Variants in ITIH2 observed in about 807,000 individuals in gnomAD.
ITIH2 encodes inter-alpha-trypsin inhibitor heavy chain 2, also known as inter-alpha-trypsin inhibitor heavy chain H2.
A neutral mutation model predicts 104.4 loss-of-function variants in ITIH2; 103 were observed. The observed-to-expected ratio is 0.99, with a 90% CI of 0.84 to 1.16. ITIH2 has a LOEUF of 1.16. Among genes scored for constraint, ITIH2 ranks in the 50% most tolerant of loss-of-function variants. The pLI, the probability that ITIH2 is intolerant of heterozygous loss-of-function variation, is 0.00. For synonymous variants in ITIH2, 436 were observed against 435.4 expected, an observed-to-expected ratio of 1.00 and a Z score of -0.02; for missense variants, 1,108 against 1,162.4, an observed-to-expected ratio of 0.95 and a Z score of 0.68.
intron 5 of ITIH2, among the ~76,000 whole-genome samples, chr10:7,714,876 A>G (rs1375974378): frequency 1.3e-5 from 2 of 152,186 alleles, no homozygotes; most frequent in African/African-American, 4.8e-5. Context: ...CATGGGTTTC[A>G]CATTCTCAGA....
In ITIH2 at chr10:7,732,491, A is replaced by G; in HGVS notation, c.1787+14A>G. 6.2e-7 allele frequency: 1 copy of G among 1,607,774 alleles called. No homozygotes were observed. The highest frequency in any genetic ancestry group is 8.5e-7 in the Non-Finnish European group (1 of 1,174,728). On this transcript the variant is annotated intron_variant, in intron 14 of 20. Transcript: ENST00000358415. ...GCTAGCTGAACGGTAAGAAGAGAAG[A>G]GTACCCACACCACGAGATCTGCAAA... is the stretch of plus-strand genomic sequence containing the variant.
At chr10:7,730,395 G>A (rs181232447) in intron 12 of ITIH2, among the ~76,000 whole-genome samples, 61 of 152,310 alleles carry the variant, frequency 4.0e-4, no homozygotes, top group African/African-American at 1.4e-3. Context: ...GGCCTTCTGA[G>A]CGTCATCAAA....
chr10:7,705,522 A>G (rs1834738195), intron 2 of ITIH2, among the ~76,000 whole-genome samples: 1 of 151,994 alleles, frequency 6.6e-6, no homozygotes, highest in African/African-American at 2.4e-5. Context: ...CCTGGGTAAC[A>G]TAGTGAGGCT....
intron 20 of ITIH2, among the ~76,000 whole-genome samples, chr10:7,748,296 G>C (rs932530779): frequency 6.8e-6 from 1 of 147,342 alleles, no homozygotes; most frequent in Non-Finnish European, 1.5e-5. Flanking sequence ...GCTGGGCCTC[G>C]ATTTGGTCCA....
chr10:7,739,029 A>G (rs528188348), intron 16 of ITIH2, among the ~76,000 whole-genome samples: 2 of 152,340 alleles, frequency 1.3e-5, no homozygotes, highest in African/African-American at 4.8e-5. Context: ...AGCTGTGGTC[A>G]TGCCAGGAAA....
At chr10:7,722,967 G>C (rs895486153) in intron 8 of ITIH2, among the ~76,000 whole-genome samples, 2 of 152,054 alleles carry the variant, frequency 1.3e-5, no homozygotes, top group Admixed American at 6.6e-5. Context: ...GAGTGGAGTG[G>C]AGTGGAGTGA....
chr10:7,717,290 T>C (rs1466735718), intron 5 of ITIH2, among the ~76,000 whole-genome samples: 6 of 152,182 alleles, frequency 3.9e-5, no homozygotes, highest in African/African-American at 1.4e-4. Context: ...GTCAGGGTAA[T>C]GATCTCCATA....
At chr10:7,748,484 CAG>C (rs1208431602) in intron 20 of ITIH2, among the ~76,000 whole-genome samples, 1 of 127,716 alleles carries the variant, frequency 7.8e-6, no homozygotes, top group East Asian at 2.5e-4. Flanking sequence ...CTCTTAAACA[CAG>C]AGAAAGTGCA....
intron 7 of ITIH2, 124 bp from the exon 8 acceptor site, chr10:7,721,525 C>T (rs1834902409): frequency 2.4e-6 from 2 of 829,324 alleles, no homozygotes; most frequent in South Asian, 1.9e-5. Flanking sequence ...ATGGGTCCAC[C>T]GATATCGCGG....
chr10:7,735,110 G>A lies in ITIH2; in HGVS notation c.1957+19G>A. The A allele has an allele frequency of 6.3e-7, 1 of 1,589,504 alleles. No homozygotes were observed. The highest frequency in any genetic ancestry group is 8.5e-7 in the Non-Finnish European group (1 of 1,171,856). On this transcript the variant is annotated intron_variant, in intron 15 of 20. Coordinates refer to ENST00000358415, the MANE Select transcript of ITIH2 (RefSeq NM_002216.3). ...TGCTCAGGTCAGGGCTGCACCTGTG[G>A]GGACAAGTGGCCAGGCAGCTCTCTT...
At chr10:7,721,394 C>CT (rs1373093266) in intron 7 of ITIH2, among the ~76,000 whole-genome samples, 1 of 152,184 alleles carries the variant, frequency 6.6e-6, no homozygotes, top group Non-Finnish European at 1.5e-5. Context: ...ATAGTCAGCC[C>CT]TTCTACAGGG....
At chr10:7,735,819 T>C (rs908816223) in intron 15 of ITIH2, among the ~76,000 whole-genome samples, 1 of 151,840 alleles carries the variant, frequency 6.6e-6, no homozygotes, top group Non-Finnish European at 1.5e-5. Context: ...ATTACAGGCA[T>C]GTGCCACCAC....
At position 7,720,933 on chromosome 10, in the gene ITIH2, T is replaced by C; in HGVS notation, c.708T>C (p.Gly236=). 6.2e-7 allele frequency: 1 copy of C among 1,613,296 alleles called. No individual in the cohort carries two copies. The highest frequency in any genetic ancestry group is 8.5e-7 in the Non-Finnish European group (1 of 1,179,244). ...ACACATTTGAAGGCCATTTCGATGG[T>C]GTTCCGGTCATTTCTAAAGGACAAC... The part of the protein sequence containing the change: ...VPDTFEGHFD[G]VPVISKGQQK... Residue 236 remains glycine, a synonymous_variant, in exon 7 of 21, where the codon GGT becomes GGC. Coordinates refer to ENST00000358415, the MANE Select transcript of ITIH2 (RefSeq NM_002216.3).
At position 7,738,701 on chromosome 10, in the gene ITIH2, A is replaced by G. The variant is rs780986578; in HGVS notation, c.2038A>G (p.Met680Val). The G allele has an allele frequency of 2.5e-6, 4 of 1,613,422 alleles. No individual in the cohort carries two copies. The highest frequency in any genetic ancestry group is 2.7e-5 in the African/African-American group (2 of 74,838). Residue 680 changes from methionine to valine, a missense_variant, in exon 16 of 21, where the codon ATG becomes GTG. Met to Val is a conservative substitution (Grantham distance 21). Coordinates refer to ENST00000358415, the MANE Select transcript of ITIH2 (RefSeq NM_002216.3). ...ANPSPTPVIS[M>V]LAQGSQVLES... The stretch of plus-strand genomic sequence containing the variant: ...TCCTTCACCAACGCCCGTGATCTCC[A>G]TGCTGGCACAAGGATCTCAGGTGCT...
intron 2 of ITIH2, 107 bp from the exon 3 acceptor site, chr10:7,707,094 G>A (rs905541667): frequency 1.4e-6 from 1 of 691,356 alleles, no homozygotes; most frequent in Non-Finnish European, 2.6e-6. Context: ...TAACAGCTCA[G>A]TATTGAAGAA....
intron 12 of ITIH2, among the ~76,000 whole-genome samples, chr10:7,730,664 A>T (rs1018521912): frequency 6.6e-6 from 1 of 152,126 alleles, no homozygotes; most frequent in Non-Finnish European, 1.5e-5. Context: ...TCAACAGATA[A>T]TTTTTTTAAT....
chr10:7,744,625 A>G (rs1003482049), intron 18 of ITIH2, among the ~76,000 whole-genome samples, 166 bp from the exon 19 acceptor site: 2 of 152,174 alleles, frequency 1.3e-5, no homozygotes, highest in South Asian at 2.1e-4. Context: ...AAGCTTCCCA[A>G]TGAGTTTCTG....
chr10:7,709,159 C>A lies in ITIH2; in HGVS notation c.330C>A (p.Ile110=), dbSNP rs764490004. 1 of 1,614,098 alleles carries A rather than the reference C, an allele frequency of 6.2e-7. No individual in the cohort carries two copies. Among genetic ancestry groups the A allele is most frequent in the South Asian group, 1.1e-5 (1 of 91,064 alleles). Reference sequence around the variant, plus strand: ...AGAATGTCGTGTTTGATGTTCAGATCCCCAAAGGAGCATTCATTTCCAACT... The same window carrying A: ...AGAATGTCGTGTTTGATGTTCAGATACCCAAAGGAGCATTCATTTCCAACT... ...QPQNVVFDVQ[I]PKGAFISNFS... is the part of the protein sequence containing the mutation. The change falls in exon 4 of 21, where the codon ATC becomes ATA. Residue 110 remains isoleucine (I), a synonymous_variant. Transcript: ENST00000358415.
intron 4 of ITIH2, among the ~76,000 whole-genome samples, chr10:7,712,736 CTTAT>C (rs1422592001): frequency 6.6e-6 from 1 of 152,188 alleles, no homozygotes; most frequent in Non-Finnish European, 1.5e-5. Flanking sequence ...TGCCTCCCTT[CTTAT>C]TTCTTATAGA....
Sources: allele counts gnomAD v4.1 joint callset (sites outside exome capture counted in the v4.1 genomes callset), GRCh38; gene constraint gnomAD v4.1.1; transcripts MANE v1.5; gene names NCBI Gene and HGNC (gene_info 2026-07-23, HGNC 2026-07-21).